The following EIPR1 variants were observed in gnomAD, a reference collection of about 807,000 sequenced individuals.
EIPR1 encodes EARP complex and GARP complex interacting protein 1, also known as EARP and GARP complex-interacting protein 1.
A neutral mutation model predicts 48.1 loss-of-function variants in EIPR1; 25 were observed. The ratio of observed to expected loss-of-function variants is 0.52; its 90% confidence interval spans 0.38 to 0.73. The LOEUF (loss-of-function observed/expected upper bound fraction) is 0.73. Among genes scored for constraint, EIPR1 ranks in the 30% least tolerant of loss-of-function variants. The probability of loss-of-function intolerance (pLI) is 0.00; values close to 1 mark genes in which losing one functional copy is unlikely to be tolerated. For synonymous variants in EIPR1, 204 were observed against 201.9 expected (o/e 1.01, Z -0.09); for missense variants, 415 against 506.2 (o/e 0.82, Z 1.73).
Position 3,361,984 on chromosome 2 carries a change from C to T in EIPR1, c.43-7351G>A, listed in dbSNP as rs186145538. 3.1e-4 allele frequency among the ~76,000 whole-genome samples: 47 copies of T among 152,366 alleles called. 1 individual carries two copies. The East Asian group carries it at 7.3e-3, about 24-fold the overall frequency. ...CGATTCTGACTTTTCTCATCCACAC[C>T]TTCCTCTTTGGCATGCTCCCTTTTC... On this transcript the variant is annotated intron_variant, in intron 1 of 8. Coordinates refer to ENST00000382125, the MANE Select transcript of EIPR1 (RefSeq NM_003310.5).
intron 4 of EIPR1, among the ~76,000 whole-genome samples, chr2:3,244,506 G>T (rs1666735294): frequency 6.6e-6 from 1 of 152,126 alleles, no homozygotes; most frequent in Non-Finnish European, 1.5e-5. Context: ...AATCCCCAAA[G>T]TGAAAGTATT....
In EIPR1 at chr2:3,214,151, C is replaced by G; in HGVS notation, c.514G>C (p.Val172Leu). The G allele has an allele frequency of 1.9e-6, 3 of 1,613,296 alleles. No individual in the cohort carries two copies. Among genetic ancestry groups the G allele is most frequent in the Non-Finnish European group, 1.7e-6 (2 of 1,179,572 alleles). Residue 172 changes from valine (V) to leucine (L), a missense_variant and splice_region_variant, in exon 5 of 9, where the codon GTG becomes CTG. Coordinates refer to ENST00000382125, the MANE Select transcript of EIPR1 (RefSeq NM_003310.5). ...WDLQESSSQA[V>L]LASSASLEGK... ...GCTGTGTTGTTGCTTTTACTTACCACAGCCTGGCTCGAGCTTTCCTGTAAA... is the reference window on the plus strand; with the variant it reads ...GCTGTGTTGTTGCTTTTACTTACCAGAGCCTGGCTCGAGCTTTCCTGTAAA...
chr2:3,336,542 CG>C (rs1030520212), intron 3 of EIPR1, among the ~76,000 whole-genome samples: 16 of 152,176 alleles, frequency 1.1e-4, no homozygotes, highest in African/African-American at 3.9e-4. Context: ...CCAAGGCAGG[CG>C]GATCACCTGA....
chr2:3,305,271 A>C (rs1304136805), intron 3 of EIPR1, among the ~76,000 whole-genome samples: 3 of 116,922 alleles, frequency 2.6e-5, no homozygotes, highest in African/African-American at 3.5e-5. Context: ...TCAGCCCTCC[A>C]CTCCCGTCCA....
chr2:3,210,842 T>G (rs1455484707), intron 5 of EIPR1, among the ~76,000 whole-genome samples: 1 of 152,148 alleles, frequency 6.6e-6, no homozygotes, highest in Non-Finnish European at 1.5e-5. Flanking sequence ...TTTCACCACG[T>G]TGGCCAGGCT....
intron 4 of EIPR1, among the ~76,000 whole-genome samples, chr2:3,256,877 A>G (rs1454663985): frequency 6.6e-6 from 1 of 152,232 alleles, no homozygotes; most frequent in East Asian, 1.9e-4. Context: ...GCAGCCCCAC[A>G]GGCACACCAC....
intron 5 of EIPR1, chr2:3,207,865 A>G (rs1326609414): frequency 6.6e-6 from 1 of 152,276 alleles, no homozygotes; most frequent in African/African-American, 2.4e-5. Flanking sequence ...CTATACATGT[A>G]GTTTTATGAT....
chr2:3,285,006 A>T (rs560187619), intron 3 of EIPR1, among the ~76,000 whole-genome samples: 69 of 152,330 alleles, frequency 4.5e-4, no homozygotes, highest in Non-Finnish European at 6.9e-4. Context: ...GTACAAGGGC[A>T]AGATAGTGAA....
chr2:3,276,992 T>TAG (rs1208096157), intron 3 of EIPR1, among the ~76,000 whole-genome samples: 4 of 152,222 alleles, frequency 2.6e-5, no homozygotes, highest in African/African-American at 9.6e-5. Context: ...GTTTGTCAGT[T>TAG]ACGGGTACTG....
intron 8 of EIPR1, among the ~76,000 whole-genome samples, chr2:3,190,329 G>C (rs886497113): frequency 6.6e-6 from 1 of 152,134 alleles, no homozygotes; most frequent in African/African-American, 2.4e-5. Flanking sequence ...CATTCTAACT[G>C]CTTTTGCATT....
At chr2:3,322,851 T>C (rs1421973941) in intron 3 of EIPR1, among the ~76,000 whole-genome samples, 1 of 152,178 alleles carries the variant, frequency 6.6e-6, no homozygotes, top group African/African-American at 2.4e-5. Flanking sequence ...CAGTGCTCAC[T>C]AGGGAGCTTA....
intron 3 of EIPR1, among the ~76,000 whole-genome samples, chr2:3,269,273 TCA>T (rs1667597067): frequency 1.4e-5 from 2 of 140,858 alleles, no homozygotes; most frequent in Admixed American, 7.1e-5. Context: ...GTCATGGCAC[TCA>T]GTCATGGCAC....
At chr2:3,349,202 C>T (rs1170460104) in intron 2 of EIPR1, among the ~76,000 whole-genome samples, 1 of 152,168 alleles carries the variant, frequency 6.6e-6, no homozygotes, top group Non-Finnish European at 1.5e-5. Context: ...GGTTTCAGTC[C>T]CGATTCTGCC....
chr2:3,343,349 G>A (rs191151887), intron 2 of EIPR1, among the ~76,000 whole-genome samples: 179 of 152,302 alleles, frequency 1.2e-3, no homozygotes, highest in Non-Finnish European at 1.8e-3. Context: ...GGTACAGGCC[G>A]GCTCCGAAAA....
chr2:3,294,913 G>C (rs1472490005), intron 3 of EIPR1, among the ~76,000 whole-genome samples: 1 of 67,516 alleles, frequency 1.5e-5, no homozygotes, highest in Admixed American at 1.6e-4. Flanking sequence ...TTCTCTCCCT[G>C]CACACACACC....
chr2:3,355,329 A>G (rs1161367306), intron 1 of EIPR1, among the ~76,000 whole-genome samples: 1 of 152,210 alleles, frequency 6.6e-6, no homozygotes, highest in Non-Finnish European at 1.5e-5. Context: ...ACAGCCCAGG[A>G]GTGAAGGCAA....
intron 1 of EIPR1, among the ~76,000 whole-genome samples, chr2:3,373,898 C>T (rs1011252283): frequency 6.6e-6 from 1 of 151,646 alleles, no homozygotes; most frequent in Non-Finnish European, 1.5e-5. Flanking sequence ...CATATGGAAC[C>T]AAAAAAGAGC....
chr2:3,338,233 T>C (rs1192333866), intron 2 of EIPR1, 84 bp from the exon 3 acceptor site: 2 of 1,509,830 alleles, frequency 1.3e-6, no homozygotes, highest in Non-Finnish European at 1.8e-6. Flanking sequence ...CAAAGAATAG[T>C]CACATGCACA....
At chr2:3,290,017 G>A (rs887981385) in intron 3 of EIPR1, among the ~76,000 whole-genome samples, 1 of 152,250 alleles carries the variant, frequency 6.6e-6, no homozygotes, top group Non-Finnish European at 1.5e-5. Context: ...GCTAAGCCCT[G>A]GCTGGCATCT....
Sources: gnomAD v4.1 joint callset for allele counts (sites outside exome capture counted in the v4.1 genomes callset) on GRCh38, gnomAD v4.1.1 for gene constraint, MANE v1.5 for transcripts, NCBI Gene and HGNC (gene_info 2026-07-23, HGNC 2026-07-21) for gene names.